Variants in ABCG2 observed in about 807,000 individuals in gnomAD.
ABCG2 encodes the protein ATP binding cassette subfamily G member 2 (JR blood group).
A neutral mutation model predicts 73.5 loss-of-function variants in ABCG2; 80 were observed. The ratio of observed to expected loss-of-function variants is 1.09; its 90% CI spans 0.91 to 1.31. The LOEUF (loss-of-function observed/expected upper bound fraction) is 1.31. Among genes scored for constraint, ABCG2 ranks in the 50% most tolerant of loss-of-function variants. The pLI is 0.00. For missense variants in ABCG2, 796 were observed against 786.2 expected (o/e 1.01, Z -0.15); for synonymous variants, 269 against 282.4 (o/e 0.95, Z 0.48).
intron 15 of ABCG2, 78 bp downstream of exon 15, chr4:88,094,499 C>T (rs1578164609): frequency 1.6e-6 from 2 of 1,282,980 alleles, no homozygotes; most frequent in East Asian, 2.4e-5. Context: ...AGGACTCATA[C>T]AGATCTAAGC....
At chr4:88,230,183 G>C (rs973854180) in intron 1 of ABCG2, among the ~76,000 whole-genome samples, 1 of 149,174 alleles carries the variant, frequency 6.7e-6, no homozygotes, top group Non-Finnish European at 1.5e-5. Flanking sequence ...AGTAAAGACA[G>C]GGTTTCACCA....
intron 1 of ABCG2, among the ~76,000 whole-genome samples, chr4:88,150,939 T>G (rs1415979801): frequency 1.3e-5 from 2 of 152,200 alleles, no homozygotes; most frequent in South Asian, 2.1e-4. Context: ...CAAAATCGCC[T>G]GCCCCAAACA....
At chr4:88,113,196 A>G in intron 9 of ABCG2, 107 bp downstream of exon 9, 1 of 1,406,510 alleles carries the variant, frequency 7.1e-7, no homozygotes, top group Non-Finnish European at 9.7e-7. Flanking sequence ...TGGAGTGAAG[A>G]TAACAAATAA....
At chr4:88,207,882 G>A (rs1729441316) in intron 1 of ABCG2, among the ~76,000 whole-genome samples, 1 of 152,120 alleles carries the variant, frequency 6.6e-6, no homozygotes, top group South Asian at 2.1e-4. Flanking sequence ...AGGGCACAAT[G>A]AAGGATATTT....
At chr4:88,187,337 G>C (rs1463595697) in intron 1 of ABCG2, among the ~76,000 whole-genome samples, 1 of 152,112 alleles carries the variant, frequency 6.6e-6, no homozygotes, top group Non-Finnish European at 1.5e-5. Flanking sequence ...TGTTGACCAG[G>C]TGCGGTGGCT....
chr4:88,100,434 T>C (rs572295299), intron 11 of ABCG2, among the ~76,000 whole-genome samples: 22 of 147,058 alleles, frequency 1.5e-4, no homozygotes, highest in African/African-American at 4.8e-4. Flanking sequence ...ACCCGGGAGG[T>C]AGAGATTGCA....
intron 1 of ABCG2, among the ~76,000 whole-genome samples, chr4:88,222,482 GT>G (rs1367912187): frequency 6.6e-6 from 1 of 152,114 alleles, no homozygotes; most frequent in Non-Finnish European, 1.5e-5. Flanking sequence ...AAAAATAGAA[GT>G]TTCCCTGCAC....
intron 12 of ABCG2, among the ~76,000 whole-genome samples, chr4:88,098,683 G>GATAGATAT (rs1433663523): frequency 6.6e-6 from 1 of 151,820 alleles, no homozygotes; most frequent in Non-Finnish European, 1.5e-5. Flanking sequence ...TAGATAGATA[G>GATAGATAT]ATAGACAGAT....
intron 1 of ABCG2, among the ~76,000 whole-genome samples, chr4:88,203,411 C>T (rs12500185): frequency 0.42 from 64,179 of 152,088 alleles, 14,861 homozygotes; most frequent in East Asian, 0.67. Flanking sequence ...ACTATTTCTT[C>T]AAAGAGGTTT....
At position 88,139,147 on chromosome 4, in the gene ABCG2, A is replaced by C. The variant is rs537960450; in HGVS notation, c.203+646T>G. ...TAGAGCGAGACTCCCTCTCAAAAAAAAAAAAAAAAGTGTGAAGCCTTGAGC... is the reference window on the plus strand; with the variant it reads ...TAGAGCGAGACTCCCTCTCAAAAAACAAAAAAAAAGTGTGAAGCCTTGAGC... On this transcript the variant is annotated intron_variant, in intron 2 of 15. Coordinates refer to ENST00000237612, the MANE Select transcript of ABCG2 (RefSeq NM_004827.3). 9.3e-4 allele frequency among the ~76,000 whole-genome samples: 141 copies of C among 152,232 alleles called. 1 individual carries two copies. Among genetic ancestry groups the C allele is most frequent in the African/African-American group, 3.3e-3 (135 of 41,536 alleles).
At chr4:88,093,123 C>T (rs1721749110) in intron 15 of ABCG2, among the ~76,000 whole-genome samples, 1 of 152,184 alleles carries the variant, frequency 6.6e-6, no homozygotes, top group African/African-American at 2.4e-5. Flanking sequence ...CCTTGGACAG[C>T]CACAGTTACT....
intron 5 of ABCG2, among the ~76,000 whole-genome samples, chr4:88,129,048 G>A (rs1724645988): frequency 6.6e-6 from 1 of 152,156 alleles, no homozygotes; most frequent in South Asian, 2.1e-4. Flanking sequence ...GGGAGATAAA[G>A]TCAGGAGAAG....
chr4:88,169,046 C>CTTTT (rs55711211), intron 1 of ABCG2, among the ~76,000 whole-genome samples: 1 of 138,868 alleles, frequency 7.2e-6, no homozygotes. Context: ...AAGTAGTTAT[C>CTTTT]TTTTTTTTTT....
chr4:88,130,519 C>G (rs1479265226), intron 5 of ABCG2, among the ~76,000 whole-genome samples: 1 of 152,004 alleles, frequency 6.6e-6, no homozygotes, highest in Non-Finnish European at 1.5e-5. Context: ...ATGTAATGCA[C>G]TTGAATTATC....
intron 1 of ABCG2, among the ~76,000 whole-genome samples, chr4:88,190,836 T>C (rs1035146581): frequency 2.6e-5 from 4 of 152,072 alleles, no homozygotes; most frequent in African/African-American, 9.7e-5. Context: ...AATATAAATA[T>C]TGCACGTGCC....
intron 1 of ABCG2, among the ~76,000 whole-genome samples, chr4:88,145,934 CAATA>C (rs1725967602): frequency 1.3e-5 from 2 of 151,760 alleles, no homozygotes; most frequent in Admixed American, 1.3e-4. Flanking sequence ...GACCCTGTCT[CAATA>C]AATAAATAAA....
chr4:88,099,618 G>A (rs1007574535), intron 11 of ABCG2, among the ~76,000 whole-genome samples, 170 bp from the exon 12 acceptor site: 6 of 152,132 alleles, frequency 3.9e-5, no homozygotes, highest in African/African-American at 1.4e-4. Flanking sequence ...TTGGGTGCCA[G>A]CCTCCCTGAG....
chr4:88,102,899 A>G (rs1370585945), intron 10 of ABCG2, among the ~76,000 whole-genome samples: 1 of 152,138 alleles, frequency 6.6e-6, no homozygotes, highest in Admixed American at 6.5e-5. Context: ...GGAACAGGCT[A>G]GGGTCTTTTT....
intron 1 of ABCG2, among the ~76,000 whole-genome samples, chr4:88,211,575 C>A (rs913811931): frequency 6.6e-6 from 1 of 152,074 alleles, no homozygotes; most frequent in African/African-American, 2.4e-5. Flanking sequence ...CACCACCACA[C>A]CTGGGTAATT....
Sources: gnomAD v4.1 joint callset for allele counts (sites outside exome capture counted in the v4.1 genomes callset) on GRCh38, gnomAD v4.1.1 for gene constraint, MANE v1.5 for transcripts, NCBI Gene and HGNC (gene_info 2026-07-23, HGNC 2026-07-21) for gene names.